SNRK: variants seen among roughly 807,000 people sequenced by gnomAD.
SNRK encodes SNF related kinase, also known as SNF-related serine/threonine-protein kinase.
In SNRK, 3 loss-of-function variants were observed where a neutral mutation model predicts 48.2. That is an observed-to-expected ratio of 0.06 (90% confidence interval 0.03 to 0.16). SNRK has a LOEUF of 0.16. Among genes scored for constraint, SNRK ranks in the 10% least tolerant of loss-of-function variants. SNRK has a pLI of 1.00. For synonymous variants in SNRK, 376 were observed against 366.1 expected, an observed-to-expected ratio of 1.03 and a Z score of -0.31; for missense variants, 627 against 976.0, an observed-to-expected ratio of 0.64 and a Z score of 4.76.
At position 43,317,719 on chromosome 3, in the gene SNRK, C is replaced by T. The variant is rs537244844; in HGVS notation, c.589+13927C>T. Among the ~76,000 whole-genome samples the T allele has an allele frequency of 2.0e-5, 3 of 152,328 alleles. No homozygotes were observed. The East Asian group carries it at 5.8e-4, about 29-fold the overall frequency. ...CCTCAGGGCCATCCATCTCCCTCCT[C>T]TGCCTAGCCACTCTTGCCCCTGATT... On this transcript the variant is annotated intron_variant, in intron 3 of 6. Coordinates refer to ENST00000296088, the MANE Select transcript of SNRK (RefSeq NM_017719.5).
chr3:43,340,563 A>G, intron 5 of SNRK, 64 bp downstream of exon 5: 6 of 1,404,836 alleles, frequency 4.3e-6, no homozygotes, highest in Non-Finnish European at 6.0e-6. Context: ...GGCTCTCTCT[A>G]CTTAACACAG....
At chr3:43,296,648 A>G (rs1316585673) in intron 1 of SNRK, among the ~76,000 whole-genome samples, 2 of 152,000 alleles carry the variant, frequency 1.3e-5, no homozygotes, top group Admixed American at 6.6e-5. Flanking sequence ...TTTGTTGAGC[A>G]TACTGTTTTG....
At chr3:43,292,167 G>A (rs2090817566) in intron 1 of SNRK, among the ~76,000 whole-genome samples, 1 of 152,196 alleles carries the variant, frequency 6.6e-6, no homozygotes, top group Non-Finnish European at 1.5e-5. Context: ...ACTCGTTTCT[G>A]TATAAACCTG....
At chr3:43,329,263 C>T (rs2091126981) in intron 3 of SNRK, among the ~76,000 whole-genome samples, 1 of 152,028 alleles carries the variant, frequency 6.6e-6, no homozygotes, top group African/African-American at 2.4e-5. Flanking sequence ...ACAGTGAAAC[C>T]TCGTCTCAAC....
intron 4 of SNRK, among the ~76,000 whole-genome samples, chr3:43,336,902 G>A (rs780118246): frequency 3.2e-4 from 48 of 151,902 alleles, no homozygotes; most frequent in African/African-American, 1.0e-3. Flanking sequence ...ACAGGCGCCC[G>A]CCATCACGCT....
intron 3 of SNRK, chr3:43,315,334 A>G (rs1413326694): frequency 1.3e-5 from 2 of 152,150 alleles, no homozygotes; most frequent in Non-Finnish European, 2.9e-5. Context: ...CTATTAATGT[A>G]TTTATTTTTA....
intron 1 of SNRK, among the ~76,000 whole-genome samples, chr3:43,292,346 A>G (rs2125612013): frequency 6.6e-6 from 1 of 152,352 alleles, no homozygotes; most frequent in East Asian, 1.9e-4. Context: ...TTTCATGTTA[A>G]TATGTAAAGG....
chr3:43,317,123 A>G (rs1012435886), intron 3 of SNRK, among the ~76,000 whole-genome samples: 13 of 152,240 alleles, frequency 8.5e-5, no homozygotes, highest in African/African-American at 3.1e-4. Context: ...GTACATGAAC[A>G]AAAACCAAAA....
At chr3:43,322,951 CA>C (rs55847039) in intron 3 of SNRK, among the ~76,000 whole-genome samples, 4 of 72,636 alleles carry the variant, frequency 5.5e-5, no homozygotes, top group African/African-American at 1.8e-4. Context: ...GACTCCGTCT[CA>C]AAAAAAAAAA....
At chr3:43,309,884 G>A (rs2125624582) in intron 3 of SNRK, among the ~76,000 whole-genome samples, 1 of 152,118 alleles carries the variant, frequency 6.6e-6, no homozygotes, top group Middle Eastern at 3.4e-3. Context: ...TTTTGCCCGT[G>A]ACACAGCCCC....
In SNRK at chr3:43,335,786, A is replaced by G. The variant is rs1398400870; in HGVS notation, c.731+3476A>G. Among the ~76,000 whole-genome samples, 7 of 152,192 alleles carry G rather than the reference A, an allele frequency of 4.6e-5. No individual in the cohort carries two copies. The South Asian group carries it at 8.3e-4, about 18-fold the overall frequency. ...GAAAAGTGTCGTATCTTCCCATTCT[A>G]TCAATTTGTATCAATGAGGTAATGG... On this transcript the variant is annotated intron_variant, in intron 4 of 6. Transcript: ENST00000296088.
chr3:43,307,935 G>A (rs754204588), intron 3 of SNRK, among the ~76,000 whole-genome samples: 4 of 152,214 alleles, frequency 2.6e-5, no homozygotes, highest in Non-Finnish European at 4.4e-5. Flanking sequence ...CAAAAGAAAA[G>A]TTCTTGAAGG....
chr3:43,318,917 A>C (rs2091032867), intron 3 of SNRK, among the ~76,000 whole-genome samples: 1 of 151,904 alleles, frequency 6.6e-6, no homozygotes, highest in Non-Finnish European at 1.5e-5. Flanking sequence ...ACTCCCAGCT[A>C]CTCAGGAGGC....
Position 43,316,148 on chromosome 3 carries a change from T to C in SNRK, c.589+12356T>C, listed in dbSNP as rs528264748. On this transcript the variant is annotated intron_variant, in intron 3 of 6. Coordinates refer to ENST00000296088, the MANE Select transcript of SNRK (RefSeq NM_017719.5). Reference sequence around the variant, plus strand: ...AAGTATTTGAGCAGACTGAAAAATATGATAGAAATCATTTATATGTTTTTT... The same window carrying C: ...AAGTATTTGAGCAGACTGAAAAATACGATAGAAATCATTTATATGTTTTTT... 7.2e-5 allele frequency among the ~76,000 whole-genome samples: 11 copies of C among 152,364 alleles called. No homozygotes were observed. The South Asian group carries it at 1.9e-3, about 26-fold the overall frequency.
chr3:43,304,271 T>C (rs1337333887), intron 3 of SNRK, among the ~76,000 whole-genome samples: 2 of 152,346 alleles, frequency 1.3e-5, no homozygotes, highest in South Asian at 2.1e-4. Flanking sequence ...TGCTTCATTT[T>C]TTATCCATAA....
intron 4 of SNRK, among the ~76,000 whole-genome samples, chr3:43,338,642 T>C (rs528479849): frequency 2.8e-4 from 43 of 152,358 alleles, no homozygotes; most frequent in African/African-American, 1.0e-3. Flanking sequence ...TTTCCCTCAC[T>C]CTGTCCTCTT....
intron 1 of SNRK, among the ~76,000 whole-genome samples, chr3:43,289,198 A>G (rs894195919): frequency 2.0e-5 from 3 of 152,204 alleles, no homozygotes; most frequent in African/African-American, 7.2e-5. Flanking sequence ...TGACATGGAA[A>G]TGCTTCACAG....
chr3:43,323,732 C>T (rs1412621013), intron 3 of SNRK, among the ~76,000 whole-genome samples: 1 of 152,152 alleles, frequency 6.6e-6, no homozygotes, highest in Non-Finnish European at 1.5e-5. Context: ...CAATGGAATA[C>T]TACTCAGCCA....
At position 43,303,192 on chromosome 3, in the gene SNRK, T is replaced by G; in HGVS notation, c.-12T>G. 6.3e-7 allele frequency: 1 copy of G among 1,594,696 alleles called. No individual in the cohort carries two copies. ...TAAACAGTCTAAATATTTTTTCTTC[T>G]GTTGGACCAGCATGGCAGGATTTAA... On this transcript the variant is annotated 5_prime_UTR_variant, in exon 3 of 7. Coordinates refer to ENST00000296088, the MANE Select transcript of SNRK (RefSeq NM_017719.5). The surrounding 1 kb of genome is among the most constrained non-coding windows in gnomAD (Gnocchi z 6.2).
Sources: allele counts gnomAD v4.1 joint callset (sites outside exome capture counted in the v4.1 genomes callset), GRCh38; gene constraint gnomAD v4.1.1; non-coding constraint Gnocchi (gnomAD v3.1); transcripts MANE v1.5; gene names NCBI Gene and HGNC (gene_info 2026-07-23, HGNC 2026-07-21).